CSMD3: variants seen among roughly 807,000 people sequenced by gnomAD.
The protein encoded by CSMD3 is CUB and Sushi multiple domains 3.
CSMD3 carries 177 observed loss-of-function variants against 435.2 expected under a neutral mutation model. The ratio of observed to expected loss-of-function variants is 0.41; its 90% CI spans 0.36 to 0.46. CSMD3 has a LOEUF of 0.46. CSMD3 is among the 20% of genes least tolerant of loss of function. The pLI is 0.34. For synonymous variants in CSMD3, 1,656 were observed against 1,520.5 expected (o/e 1.09, Z -2.07); for missense variants, 4,265 against 4,504.6 (o/e 0.95, Z 1.52).
intron 2 of CSMD3, among the ~76,000 whole-genome samples, chr8:113,285,449 C>G (rs1028764947): frequency 1.1e-4 from 16 of 152,062 alleles, no homozygotes; most frequent in African/African-American, 3.9e-4. Context: ...TTAGTAGAGA[C>G]GGGGTTTCAC....
At chr8:113,137,949 A>G (rs1428486861) in intron 4 of CSMD3, among the ~76,000 whole-genome samples, 1 of 151,464 alleles carries the variant, frequency 6.6e-6, no homozygotes, top group Non-Finnish European at 1.5e-5. Flanking sequence ...TCTCCTTAGC[A>G]CTCTTCAATG....
intron 13 of CSMD3, among the ~76,000 whole-genome samples, chr8:112,748,609 G>T (rs2077494735): frequency 6.6e-6 from 1 of 152,002 alleles, no homozygotes; most frequent in Non-Finnish European, 1.5e-5. Flanking sequence ...TTCTGTTCCC[G>T]CAATTAGTTT....
At chr8:112,868,705 C>A (rs1398003124) in intron 10 of CSMD3, among the ~76,000 whole-genome samples, 2 of 151,952 alleles carry the variant, frequency 1.3e-5, no homozygotes, top group Non-Finnish European at 2.9e-5. Flanking sequence ...AGCAGTAAAC[C>A]CATAAATATA....
intron 2 of CSMD3, among the ~76,000 whole-genome samples, chr8:113,286,280 C>T (rs892289258): frequency 7.9e-5 from 12 of 151,856 alleles, no homozygotes; most frequent in Admixed American, 3.3e-4. Flanking sequence ...GAAATGATAA[C>T]GATATTTTAT....
intron 2 of CSMD3, among the ~76,000 whole-genome samples, chr8:113,308,523 C>G (rs1410124915): frequency 6.6e-6 from 1 of 152,080 alleles, no homozygotes; most frequent in Non-Finnish European, 1.5e-5. Context: ...CTGCCTCGGC[C>G]TCCCAAAGTG....
intron 2 of CSMD3, among the ~76,000 whole-genome samples, chr8:113,295,646 C>T (rs1428639520): frequency 6.6e-6 from 1 of 152,178 alleles, no homozygotes; most frequent in Non-Finnish European, 1.5e-5. Flanking sequence ...AATCCTCGCA[C>T]TTTGCAAGGC....
intron 23 of CSMD3, 81 bp downstream of exon 23, chr8:112,586,985 T>C: frequency 1.1e-6 from 1 of 916,810 alleles, no homozygotes; most frequent in Non-Finnish European, 1.7e-6. Context: ...CACATATATA[T>C]ATAGATGTAT....
At chr8:112,666,785 A>C (rs2075536752) in intron 16 of CSMD3, among the ~76,000 whole-genome samples, 1 of 152,088 alleles carries the variant, frequency 6.6e-6, no homozygotes, top group African/African-American at 2.4e-5. Context: ...TTTCTTACTT[A>C]TGTTATCAAA....
intron 16 of CSMD3, among the ~76,000 whole-genome samples, chr8:112,679,094 T>TG (rs2075830661): frequency 3.3e-5 from 5 of 150,204 alleles, no homozygotes; most frequent in South Asian, 2.1e-4. Flanking sequence ...GGTTTTTTTT[T>TG]TTTTTTTTTT....
intron 3 of CSMD3, among the ~76,000 whole-genome samples, chr8:113,200,311 C>T (rs918604778): frequency 6.6e-6 from 1 of 151,856 alleles, no homozygotes; most frequent in East Asian, 2.0e-4. Flanking sequence ...TCAAACCAAC[C>T]AAGTCTCTCA....
chr8:113,064,724 CTTGGTTGATCATAAAATT>C (rs2088779374), intron 5 of CSMD3, among the ~76,000 whole-genome samples: 1 of 152,132 alleles, frequency 6.6e-6, no homozygotes, highest in Admixed American at 6.6e-5. Context: ...AGGTTAGTAG[CTTGGTTGATCATAAAATT>C]AAACATGCCA....
At chr8:113,315,212 A>G (rs1047119787) in intron 1 of CSMD3, among the ~76,000 whole-genome samples, 5 of 152,038 alleles carry the variant, frequency 3.3e-5, no homozygotes, top group African/African-American at 9.7e-5. Context: ...AATTAACTCC[A>G]TTTTTCTTGG....
intron 24 of CSMD3, among the ~76,000 whole-genome samples, chr8:112,567,358 C>G (rs1829143446): frequency 6.6e-6 from 1 of 152,142 alleles, no homozygotes; most frequent in African/African-American, 2.4e-5. Context: ...TTTTAAATTA[C>G]TTCTAAATGT....
chr8:113,009,179 G>T (rs1282563890), intron 6 of CSMD3, among the ~76,000 whole-genome samples: 7 of 151,708 alleles, frequency 4.6e-5, no homozygotes, highest in Non-Finnish European at 8.8e-5. Flanking sequence ...TAATCAGAAG[G>T]TGAGGGATAC....
chr8:113,300,189 T>C (rs2093754790), intron 2 of CSMD3, among the ~76,000 whole-genome samples: 2 of 149,932 alleles, frequency 1.3e-5, no homozygotes, highest in Non-Finnish European at 3.0e-5. Context: ...CAACAGATGT[T>C]GGTGTGAATG....
At chr8:112,403,672 C>G (rs1347897004) in intron 35 of CSMD3, among the ~76,000 whole-genome samples, 1 of 151,946 alleles carries the variant, frequency 6.6e-6, no homozygotes, top group African/African-American at 2.4e-5. Context: ...GAGGGTAGAG[C>G]CCCCGAGACC....
chr8:113,163,886 T>C (rs1297613166), intron 4 of CSMD3, among the ~76,000 whole-genome samples: 7 of 152,030 alleles, frequency 4.6e-5, no homozygotes, highest in Admixed American at 1.3e-4. Context: ...AAAGAGGTAA[T>C]ACAAACCTGA....
chr8:112,900,133 C>T (rs1412659645), intron 10 of CSMD3, among the ~76,000 whole-genome samples: 3 of 151,248 alleles, frequency 2.0e-5, no homozygotes, highest in Non-Finnish European at 3.0e-5. Flanking sequence ...GCCATCAGGG[C>T]AGTCCTGACC....
At chr8:112,894,654 T>G (rs2130365430) in intron 10 of CSMD3, among the ~76,000 whole-genome samples, 1 of 151,452 alleles carries the variant, frequency 6.6e-6, no homozygotes, top group South Asian at 2.1e-4. Flanking sequence ...TTGTTGCTAT[T>G]TTTAGTAATC....
Sources: gnomAD v4.1 joint callset for allele counts (sites outside exome capture counted in the v4.1 genomes callset) on GRCh38, gnomAD v4.1.1 for gene constraint, MANE v1.5 for transcripts, NCBI Gene and HGNC (gene_info 2026-07-23, HGNC 2026-07-21) for gene names.